PPFIA2: variants seen among roughly 807,000 people sequenced by gnomAD.
The protein encoded by PPFIA2 is liprin-alpha-2.
Under a neutral mutation model 175.5 loss-of-function variants are expected in PPFIA2, and 46 were observed. The ratio of observed to expected loss-of-function variants is 0.26; its 90% CI spans 0.21 to 0.34. The LOEUF (loss-of-function observed/expected upper bound fraction) is 0.34, where lower values mean the gene tolerates loss of function less well. Among genes scored for constraint, PPFIA2 ranks in the 10% least tolerant of loss-of-function variants. The pLI is 1.00. For synonymous variants in PPFIA2, 568 were observed against 511.4 expected (o/e 1.11, Z -1.49); for missense variants, 1,179 against 1,506.1 (o/e 0.78, Z 3.60).
At position 81,259,394 on chromosome 12, in the gene PPFIA2, C is replaced by A; in HGVS notation, c.*300G>T. 1.6e-6 allele frequency: 1 copy of A among 634,506 alleles called. No individual in the cohort carries two copies. The highest frequency in any genetic ancestry group is 1.6e-5 in the South Asian group (1 of 61,862). 39.3% of individuals were successfully genotyped at this position (634,506 alleles called of 1,614,324 possible). ...GTATATTACAATAAAACATGAAAAACAACTGGCTTCATTTCATAAAAGCAT... is the reference window on the plus strand; with the variant it reads ...GTATATTACAATAAAACATGAAAAAAAACTGGCTTCATTTCATAAAAGCAT... On this transcript the variant is annotated 3_prime_UTR_variant, in exon 33 of 33. Coordinates refer to ENST00000549396, the MANE Select transcript of PPFIA2 (RefSeq NM_003625.5).
At chr12:81,559,486 A>G (rs906820476) in intron 4 of PPFIA2, among the ~76,000 whole-genome samples, 18 of 152,232 alleles carry the variant, frequency 1.2e-4, no homozygotes, top group African/African-American at 4.3e-4. Flanking sequence ...TCCAAAGCTA[A>G]GTTAATGTTT....
intron 4 of PPFIA2, among the ~76,000 whole-genome samples, chr12:81,601,449 C>A (rs1470340894): frequency 1.3e-5 from 2 of 151,824 alleles, no homozygotes; most frequent in East Asian, 3.9e-4. Flanking sequence ...AAGGTACGGT[C>A]CCATCATTCT....
chr12:81,593,964 G>A (rs1172868722), intron 4 of PPFIA2, among the ~76,000 whole-genome samples: 1 of 152,158 alleles, frequency 6.6e-6, no homozygotes, highest in African/African-American at 2.4e-5. Flanking sequence ...AGCTTCATCT[G>A]TATTTACAGC....
At chr12:81,492,838 G>A (rs1375025805) in intron 4 of PPFIA2, among the ~76,000 whole-genome samples, 1 of 152,054 alleles carries the variant, frequency 6.6e-6, no homozygotes, top group Non-Finnish European at 1.5e-5. Flanking sequence ...CTTAGGTGAG[G>A]CAAAAGAGGA....
At chr12:81,418,191 G>C (rs1483118724) in intron 7 of PPFIA2, among the ~76,000 whole-genome samples, 2 of 151,740 alleles carry the variant, frequency 1.3e-5, no homozygotes, top group Non-Finnish European at 3.0e-5. Flanking sequence ...TTCACTTGGT[G>C]GGCGTTATAG....
intron 4 of PPFIA2, among the ~76,000 whole-genome samples, chr12:81,591,379 C>T (rs896558887): frequency 6.6e-6 from 1 of 152,110 alleles, no homozygotes; most frequent in African/African-American, 2.4e-5. Flanking sequence ...AAAGAAAAAC[C>T]CATTTTCTGA....
intron 3 of PPFIA2, among the ~76,000 whole-genome samples, chr12:81,685,490 A>C (rs996622316): frequency 2.0e-5 from 3 of 152,084 alleles, no homozygotes; most frequent in African/African-American, 7.2e-5. Context: ...ATTTTCCTTA[A>C]GCCACACAAT....
chr12:81,378,739 C>A (rs2036960235), intron 9 of PPFIA2, among the ~76,000 whole-genome samples: 1 of 152,054 alleles, frequency 6.6e-6, no homozygotes, highest in African/African-American at 2.4e-5. Context: ...GCAATAAAGT[C>A]AATAAAAGAT....
Position 81,645,431 on chromosome 12 carries a change from T to C in PPFIA2, c.303+31360A>G, listed in dbSNP as rs2065927468. Among the ~76,000 whole-genome samples the C allele has an allele frequency of 2.0e-5, 3 of 152,118 alleles. No homozygotes were observed. In the East Asian group the frequency reaches 5.8e-4, roughly 29 times the overall value. On this transcript the variant is annotated intron_variant, in intron 4 of 32. Coordinates refer to ENST00000549396, the MANE Select transcript of PPFIA2 (RefSeq NM_003625.5). ...CTCAGCATAAACCAAATTATTTTTC[T>C]GGTAACCACCTAAAGGAAGAATAAT...
chr12:81,628,101 A>G (rs1311984446), intron 4 of PPFIA2, among the ~76,000 whole-genome samples: 1 of 152,178 alleles, frequency 6.6e-6, no homozygotes, highest in African/African-American at 2.4e-5. Flanking sequence ...ATTTCCTAAA[A>G]TAAAGTTCCA....
intron 3 of PPFIA2, among the ~76,000 whole-genome samples, chr12:81,708,406 A>G (rs2077485119): frequency 1.3e-5 from 2 of 152,150 alleles, no homozygotes; most frequent in African/African-American, 4.8e-5. Flanking sequence ...AATTTTAAAG[A>G]ATGAAATTAG....
rs948212528 is a variant in PPFIA2, at chr12:81,694,269, CTG to C, written c.250-17427_250-17426del. ...AAGGCCTCAAAAGCATTTCAGAAAACTGTGTGGCAGCCCCTCACATCCATCAC... is the reference window on the plus strand; with the variant it reads ...AAGGCCTCAAAAGCATTTCAGAAAACTGTGGCAGCCCCTCACATCCATCAC... On this transcript the variant is annotated intron_variant, in intron 3 of 32. Coordinates refer to ENST00000549396, the MANE Select transcript of PPFIA2 (RefSeq NM_003625.5). Among the ~76,000 whole-genome samples, 29 of 152,268 alleles carry C rather than the reference CTG, an allele frequency of 1.9e-4. No individual in the cohort carries two copies. In the South Asian group the frequency reaches 5.4e-3, roughly 28 times the overall value.
intron 28 of PPFIA2, among the ~76,000 whole-genome samples, chr12:81,275,214 C>A (rs1393345050): frequency 6.6e-6 from 1 of 152,190 alleles, no homozygotes; most frequent in East Asian, 1.9e-4. Flanking sequence ...AAACAACCTG[C>A]AGTTTCCTGG....
intron 22 of PPFIA2, among the ~76,000 whole-genome samples, chr12:81,316,126 T>TA (rs2139367476): frequency 6.6e-6 from 1 of 151,684 alleles, no homozygotes; most frequent in South Asian, 2.1e-4. Flanking sequence ...CACACACATA[T>TA]ATATGTATGA....
At chr12:81,262,488 A>C (rs2035936256) in intron 31 of PPFIA2, among the ~76,000 whole-genome samples, 1 of 152,188 alleles carries the variant, frequency 6.6e-6, no homozygotes, top group Non-Finnish European at 1.5e-5. Context: ...TTATGTTGGA[A>C]CTAAATTTGA....
intron 8 of PPFIA2, among the ~76,000 whole-genome samples, chr12:81,400,564 C>A (rs1288982030): frequency 6.6e-6 from 1 of 152,104 alleles, no homozygotes; most frequent in Non-Finnish European, 1.5e-5. Context: ...AACTAAAGAA[C>A]TGAAAACATG....
intron 4 of PPFIA2, among the ~76,000 whole-genome samples, chr12:81,499,435 G>A (rs982934960): frequency 7.3e-5 from 11 of 150,776 alleles, no homozygotes; most frequent in South Asian, 2.1e-4. Context: ...CAGGAAGTAC[G>A]CACTCTTTCC....
intron 8 of PPFIA2, among the ~76,000 whole-genome samples, chr12:81,393,383 T>C (rs920332680): frequency 4.6e-5 from 7 of 152,084 alleles, no homozygotes; most frequent in Non-Finnish European, 7.4e-5. Flanking sequence ...ATCTATAAAA[T>C]AAAGAATCAA....
intron 3 of PPFIA2, among the ~76,000 whole-genome samples, chr12:81,748,053 G>A (rs2083281425): frequency 6.9e-6 from 1 of 144,118 alleles, no homozygotes; most frequent in Non-Finnish European, 1.6e-5. Context: ...ACTTTCCAAT[G>A]GTCCTCCAGT....
Sources: gnomAD v4.1 joint callset for allele counts (sites outside exome capture counted in the v4.1 genomes callset) on GRCh38, gnomAD v4.1.1 for gene constraint, MANE v1.5 for transcripts, NCBI Gene and HGNC (gene_info 2026-07-23, HGNC 2026-07-21) for gene names.